Variants in HECTD4 observed in about 807,000 individuals in gnomAD.
HECTD4 encodes the protein HECT domain E3 ubiquitin protein ligase 4, also known as probable E3 ubiquitin-protein ligase HECTD4.
A neutral mutation model predicts 471.5 loss-of-function variants in HECTD4; 114 were observed. The ratio of observed to expected loss-of-function variants is 0.24; its 90% confidence interval spans 0.21 to 0.28. The LOEUF is 0.28. Ranked by LOEUF, HECTD4 falls within the 10% of genes least tolerant of loss-of-function variation. The pLI is 1.00. For missense variants in HECTD4, 3,866 were observed against 5,651.5 expected (o/e 0.68, Z 10.13); for synonymous variants, 2,012 against 2,256.0 (o/e 0.89, Z 3.07).
At position 112,163,627 on chromosome 12, in the gene HECTD4, G is replaced by A; in HGVS notation, c.12812C>T (p.Pro4271Leu). The change falls in exon 74 of 76, where the codon CCC (proline) becomes CTC (leucine). Residue 4271 changes from proline to leucine, a missense_variant. By Grantham distance (98) the Pro-to-Leu change is moderately conservative. Around this residue, in one of 16 missense-constraint regions of HECTD4, gnomAD observed 715 missense variants for 1,087.6 expected, o/e 0.66. Transcript: ENST00000682272. The surrounding 1 kb of genome is among the most constrained non-coding windows in gnomAD (Gnocchi z 8.2). ...AVRAGLGSII[P>L]LQLLTMLSPL... is the part of the protein sequence containing the mutation. Reference sequence around the variant, plus strand: ...GCTGAGCATGGTCAGCAGCTGCAGGGGGATGATGGAGCCCAGGCCGGCCCG... The same window carrying A: ...GCTGAGCATGGTCAGCAGCTGCAGGAGGATGATGGAGCCCAGGCCGGCCCG... 1 of 1,541,396 alleles carries A rather than the reference G, an allele frequency of 6.5e-7. No individual in the cohort carries two copies. The highest frequency in any genetic ancestry group is 8.7e-7 in the Non-Finnish European group (1 of 1,143,456).
chr12:112,223,157 C>T (rs1488321662), intron 44 of HECTD4, among the ~76,000 whole-genome samples: 3 of 152,124 alleles, frequency 2.0e-5, no homozygotes, highest in African/African-American at 4.8e-5. Context: ...CCTCTACTTA[C>T]AATTCTGACT....
At position 112,337,001 on chromosome 12, in the gene HECTD4, C is replaced by T. The variant is rs192992666; in HGVS notation, c.178-17259G>A. On this transcript the variant is annotated intron_variant, in intron 1 of 75. Coordinates refer to ENST00000682272, the MANE Select transcript of HECTD4 (RefSeq NM_001388303.1). ...GATAGTTCTTGTAATGTAAATGACA[C>T]ACAAGAATTTTTTCTTCCAATGCTA... Among the ~76,000 whole-genome samples, 182 of 152,272 alleles carry T rather than the reference C, an allele frequency of 1.2e-3. 2 individuals carry two copies. The highest frequency in any genetic ancestry group is 8.1e-3 in the South Asian group (39 of 4,832).
chr12:112,181,511 G>A (rs1297065401), intron 62 of HECTD4, among the ~76,000 whole-genome samples: 2 of 152,132 alleles, frequency 1.3e-5, no homozygotes, highest in African/African-American at 4.8e-5. Context: ...CACCCAGGTT[G>A]GAGTGCAGTG....
At chr12:112,204,937 A>G (rs2032529807) in intron 52 of HECTD4, among the ~76,000 whole-genome samples, 1 of 151,954 alleles carries the variant, frequency 6.6e-6, no homozygotes, top group African/African-American at 2.4e-5. Context: ...GTTCAAGACC[A>G]GCCTGACCAA....
In HECTD4 at chr12:112,301,043, C is replaced by T. The variant is rs535410352; in HGVS notation, c.1335+5021G>A. Among the ~76,000 whole-genome samples, 30 of 151,310 alleles carry T rather than the reference C, an allele frequency of 2.0e-4. 1 individual carries two copies. The South Asian group carries it at 6.3e-3, about 32-fold the overall frequency. On this transcript the variant is annotated intron_variant, in intron 7 of 75. Coordinates refer to ENST00000682272, the MANE Select transcript of HECTD4 (RefSeq NM_001388303.1). ...GGGACTACAGGTGCCTGCCACCATG[C>T]CCGGCTAATTTTTTTTTTATTTTTA...
In HECTD4 at chr12:112,163,111, C is replaced by G; in HGVS notation, c.13051G>C (p.Asp4351His). The change falls in exon 75 of 76, where the codon GAT becomes CAT. Residue 4351 changes from aspartate (D) to histidine (H), a missense_variant. Physicochemically the swap from Asp to His is moderately conservative, Grantham distance 81. Around this residue, in one of 16 missense-constraint regions of HECTD4, gnomAD observed 715 missense variants for 1,087.6 expected, o/e 0.66. Coordinates refer to ENST00000682272, the MANE Select transcript of HECTD4 (RefSeq NM_001388303.1). The surrounding 1 kb of genome is among the most constrained non-coding windows in gnomAD (Gnocchi z 8.2). ...ERIPFTCPCK[D>H]GGPDTAHVPP... is the part of the protein sequence containing the mutation. ...ACATGGGCAGTGTCGGGACCCCCAT[C>G]TTTGCAGGGGCAGGTGAACGGGATG... 6.2e-7 allele frequency: 1 copy of G among 1,614,010 alleles called. No homozygotes were observed. Among genetic ancestry groups the G allele is most frequent in the Non-Finnish European group, 8.5e-7 (1 of 1,179,880 alleles).
rs1258941939 is a variant in HECTD4 at position 112,162,410 on chromosome 12, G to A, written c.13234C>T (p.Arg4412Cys). 5.6e-6 allele frequency: 9 copies of A among 1,614,030 alleles called. No individual in the cohort carries two copies. Among genetic ancestry groups the A allele is most frequent in the Admixed American group, 3.3e-5 (2 of 60,032 alleles). The change falls in exon 76 of 76, where the codon CGT becomes TGT. Residue 4412 changes from arginine to cysteine, a missense_variant. Arg to Cys is a radical substitution (Grantham distance 180, BLOSUM62 -3). Coordinates refer to ENST00000682272, the MANE Select transcript of HECTD4 (RefSeq NM_001388303.1). This position sits in a 1 kb window ranked among gnomAD's most constrained non-coding sequence, Gnocchi z 5.2. ...LEKLRCAIHY[R>C]EDPLSG ...CATCAGCCACTGAGGGGGTCTTCACGGTAGTGAATGGCACAACGAAGTTTC... is the reference window on the plus strand; with the variant it reads ...CATCAGCCACTGAGGGGGTCTTCACAGTAGTGAATGGCACAACGAAGTTTC...
chr12:112,374,502 G>T (rs1386058938), intron 1 of HECTD4, among the ~76,000 whole-genome samples: 30 of 152,164 alleles, frequency 2.0e-4, no homozygotes, highest in Admixed American at 2.0e-3. Flanking sequence ...AGCCAGACAA[G>T]CCTGAAAGCC....
chr12:112,181,831 C>T (rs1244915770), intron 62 of HECTD4, among the ~76,000 whole-genome samples: 1 of 152,238 alleles, frequency 6.6e-6, no homozygotes, highest in Non-Finnish European at 1.5e-5. Flanking sequence ...GTGGTTCACA[C>T]CTGTAATCCC....
chr12:112,171,097 G>T lies in HECTD4; in HGVS notation c.11932+20C>A. 2 of 1,599,890 alleles carry T rather than the reference G, an allele frequency of 1.3e-6. No individual in the cohort carries two copies. Among genetic ancestry groups the T allele is most frequent in the East Asian group, 2.2e-5 (1 of 44,646 alleles). On this transcript the variant is annotated intron_variant, in intron 68 of 75. Coordinates refer to ENST00000682272, the MANE Select transcript of HECTD4 (RefSeq NM_001388303.1). ...TCACCTCTCTCTTCCTGCAGGGCCAGGGCAGGTGCAGGCACTGACCTTTGG... is the reference window on the plus strand; with the variant it reads ...TCACCTCTCTCTTCCTGCAGGGCCATGGCAGGTGCAGGCACTGACCTTTGG...
At chr12:112,295,260 AGAG>A (rs1215872007) in intron 7 of HECTD4, among the ~76,000 whole-genome samples, 4 of 152,210 alleles carry the variant, frequency 2.6e-5, no homozygotes, top group Admixed American at 1.3e-4. Flanking sequence ...AGCAGGGCAA[AGAG>A]GATAGGGAGG....
intron 49 of HECTD4, among the ~76,000 whole-genome samples, chr12:112,211,105 A>C (rs1256504544): frequency 6.6e-6 from 1 of 152,178 alleles, no homozygotes; most frequent in Non-Finnish European, 1.5e-5. Context: ...TAATCCCAGC[A>C]CTTTGGGAGG....
At chr12:112,315,651 C>T (rs968209587) in intron 2 of HECTD4, among the ~76,000 whole-genome samples, 1 of 152,080 alleles carries the variant, frequency 6.6e-6, no homozygotes, top group Non-Finnish European at 1.5e-5. Flanking sequence ...AGAAGCAAAA[C>T]CTTTAACATT....
chr12:112,316,583 C>T (rs961464810), intron 2 of HECTD4, among the ~76,000 whole-genome samples: 5 of 151,980 alleles, frequency 3.3e-5, no homozygotes, highest in Non-Finnish European at 4.4e-5. Flanking sequence ...TCCATTCAAC[C>T]GTAAGCTCTG....
intron 64 of HECTD4, among the ~76,000 whole-genome samples, chr12:112,178,091 G>A (rs1413987840): frequency 5.9e-5 from 9 of 151,426 alleles, no homozygotes; most frequent in African/African-American, 2.2e-4. Flanking sequence ...TCTTTTTTTT[G>A]AGATAGGGTC....
At chr12:112,260,743 ATTT>A (rs200690215) in intron 18 of HECTD4, among the ~76,000 whole-genome samples, 3 of 138,698 alleles carry the variant, frequency 2.2e-5, no homozygotes, top group African/African-American at 5.3e-5. Flanking sequence ...TGCCTGGCTA[ATTT>A]TTTTTTTTTT....
At chr12:112,196,376 A>G (rs1307708562) in intron 55 of HECTD4, among the ~76,000 whole-genome samples, 2 of 152,198 alleles carry the variant, frequency 1.3e-5, no homozygotes, top group Non-Finnish European at 2.9e-5. Flanking sequence ...TATCAACACC[A>G]GTCTGTGTGG....
In HECTD4 at chr12:112,179,469, T is replaced by C. The variant is rs1393932302; in HGVS notation, c.10988-72A>G. 6 of 1,339,498 alleles carry C rather than the reference T, an allele frequency of 4.5e-6. No homozygotes were observed. Among genetic ancestry groups the C allele is most frequent in the Non-Finnish European group, 2.1e-6 (2 of 957,468 alleles). The allele number at this position is 1,339,498 out of a possible 1,614,324, so 83.0% of individuals were successfully genotyped here. Reference sequence around the variant, plus strand: ...CGGGACAAGCCCTGCGAGCATTCTGTTTCCAAACACTGTTTGAAAGGGGCA... The same window carrying C: ...CGGGACAAGCCCTGCGAGCATTCTGCTTCCAAACACTGTTTGAAAGGGGCA... On this transcript the variant is annotated intron_variant, in intron 62 of 75. Coordinates refer to ENST00000682272, the MANE Select transcript of HECTD4 (RefSeq NM_001388303.1). The surrounding 1 kb of genome is among the most constrained non-coding windows in gnomAD (Gnocchi z 4.3).
At position 112,184,440 on chromosome 12, in the gene HECTD4, A is replaced by G. The variant is rs369692553; in HGVS notation, c.10526T>C (p.Val3509Ala). The G allele has an allele frequency of 2.5e-6, 4 of 1,606,296 alleles. No homozygotes were observed. The highest frequency in any genetic ancestry group is 3.4e-6 in the Non-Finnish European group (4 of 1,177,432). Residue 3509 changes from valine (V) to alanine (A), a missense_variant, in exon 61 of 76, where the codon GTG becomes GCG. Coordinates refer to ENST00000682272, the MANE Select transcript of HECTD4 (RefSeq NM_001388303.1). The surrounding 1 kb of genome is among the most constrained non-coding windows in gnomAD (Gnocchi z 9.1). Reference protein sequence around the residue: ...GISQTVSDLSVDPLPAGLELP... With the variant: ...GISQTVSDLSADPLPAGLELP... ...CTCGAGGCCGGCAGGCAGCGGATCC[A>G]CAGAGAGGTCGCTGACGGTTTGGGA...
Sources: allele counts gnomAD v4.1 joint callset (sites outside exome capture counted in the v4.1 genomes callset), GRCh38; gene constraint gnomAD v4.1.1; regional missense constraint gnomAD v4.1.1; non-coding constraint Gnocchi (gnomAD v3.1); transcripts MANE v1.5; gene names NCBI Gene and HGNC (gene_info 2026-07-23, HGNC 2026-07-21).